The following ATP6V0A4 variants were observed in gnomAD, a reference collection of about 807,000 sequenced individuals.
The protein encoded by ATP6V0A4 is V-type proton ATPase 116 kDa subunit a 4.
In ATP6V0A4, 86 loss-of-function variants were observed where a neutral mutation model predicts 107.3. The observed-to-expected ratio is 0.80, with a 90% CI of 0.67 to 0.96. The LOEUF is 0.96. Ranked by LOEUF, ATP6V0A4 falls within the 40% of genes least tolerant of loss-of-function variation. The pLI, the probability that ATP6V0A4 is intolerant of heterozygous loss-of-function variation, is 0.00. For missense variants in ATP6V0A4, 908 were observed against 1,045.6 expected (o/e 0.87, Z 1.81); for synonymous variants, 353 against 381.4 (o/e 0.93, Z 0.87).
intron 2 of ATP6V0A4, among the ~76,000 whole-genome samples, chr7:138,784,231 T>C (rs866135105): frequency 2.0e-4 from 9 of 45,326 alleles, no homozygotes; most frequent in African/African-American, 1.1e-3. Context: ...TATATATATA[T>C]ATACGTATAT....
intron 18 of ATP6V0A4, among the ~76,000 whole-genome samples, chr7:138,726,269 G>A (rs1279185539): frequency 5.9e-5 from 9 of 152,284 alleles, no homozygotes; most frequent in South Asian, 4.2e-4. Context: ...GATTACAGGC[G>A]TGAGCCACCG....
At chr7:138,758,601 G>A (rs1806624488) in intron 8 of ATP6V0A4, among the ~76,000 whole-genome samples, 1 of 152,192 alleles carries the variant, frequency 6.6e-6, no homozygotes, top group Non-Finnish European at 1.5e-5. Flanking sequence ...AGCAACAACT[G>A]TATGGCACTA....
At position 138,732,971 on chromosome 7, in the gene ATP6V0A4, A is replaced by T; in HGVS notation, c.1814T>A (p.Val605Glu). The part of the protein sequence containing the change: ...IFKWCCFDVH[V>E]SQHAPSILIH... ...GAGGATGCTGGGGGCGTGCTGAGAT[A>T]CATGGACGTCAAAGCAGCACCATTT... is the stretch of plus-strand genomic sequence containing the variant. Residue 605 changes from valine to glutamate, a missense_variant, in exon 17 of 22, where the codon GTA (valine) becomes GAA (glutamate). Physicochemically the swap from Val to Glu is moderately radical, Grantham distance 121. Transcript: ENST00000310018. 6.2e-7 allele frequency: 1 copy of T among 1,613,760 alleles called. No homozygotes were observed. Among genetic ancestry groups the T allele is most frequent in the Non-Finnish European group, 8.5e-7 (1 of 1,179,692 alleles).
intron 12 of ATP6V0A4, among the ~76,000 whole-genome samples, chr7:138,748,888 G>A (rs148975670): frequency 4.8e-4 from 73 of 152,306 alleles, no homozygotes; most frequent in Admixed American, 1.3e-3. Flanking sequence ...GCTGCCTGAT[G>A]AGGTTGCAGT....
At chr7:138,745,956 A>ATATATATATAT in intron 13 of ATP6V0A4, among the ~76,000 whole-genome samples, 1 of 34,698 alleles carries the variant, frequency 2.9e-5, no homozygotes, top group African/African-American at 8.8e-5. Flanking sequence ...AAAAAAAAAA[A>ATATATATATAT]AAAAAAATAT....
intron 8 of ATP6V0A4, 165 bp from the exon 9 acceptor site, chr7:138,756,705 G>C (rs1405619128): frequency 2.0e-6 from 1 of 504,798 alleles, no homozygotes; most frequent in Non-Finnish European, 2.6e-6. Flanking sequence ...TCACAGTTGA[G>C]AGCAAGGCCA....
At chr7:138,719,930 C>T (rs779753483) in intron 19 of ATP6V0A4, among the ~76,000 whole-genome samples, 11 of 151,184 alleles carry the variant, frequency 7.3e-5, no homozygotes, top group South Asian at 6.4e-4. Context: ...GAGGCTGAGG[C>T]GGGAGAATTG....
rs140482322 is a variant in ATP6V0A4, at chr7:138,770,357, T to C, written c.117+774A>G. ...TTGGCTATCCAAATGAGCCTCAAAA[T>C]CCTCAATGGGGTCATAAAAATGACC... On this transcript the variant is annotated intron_variant, in intron 3 of 21. Coordinates refer to ENST00000310018, the MANE Select transcript of ATP6V0A4 (RefSeq NM_020632.3). 2.5e-3 allele frequency among the ~76,000 whole-genome samples: 378 copies of C among 152,180 alleles called. 2 individuals carry two copies. Among genetic ancestry groups the C allele is most frequent in the Middle Eastern group, 0.01 (3 of 294 alleles).
intron 1 of ATP6V0A4, among the ~76,000 whole-genome samples, chr7:138,796,150 G>A (rs552516332): frequency 1.5e-4 from 23 of 152,186 alleles, no homozygotes; most frequent in Admixed American, 6.5e-4. Context: ...ACTAAGCAGC[G>A]TCCTCTCTGT....
chr7:138,781,986 T>C (rs944825511), intron 2 of ATP6V0A4, among the ~76,000 whole-genome samples: 1 of 152,028 alleles, frequency 6.6e-6, no homozygotes, highest in Non-Finnish European at 1.5e-5. Flanking sequence ...ACCCCAATAA[T>C]TCTTAACAGT....
At chr7:138,728,683 CT>C in intron 18 of ATP6V0A4, 77 bp downstream of exon 18, 1 of 1,597,364 alleles carries the variant, frequency 6.3e-7, no homozygotes, top group African/African-American at 1.3e-5. Flanking sequence ...GGACGATTCT[CT>C]CTAAACCCAA....
At chr7:138,733,291 A>C in intron 16 of ATP6V0A4, 198 bp from the exon 17 acceptor site, 1 of 451,344 alleles carries the variant, frequency 2.2e-6, no homozygotes, top group Non-Finnish European at 2.9e-6. Context: ...GAAAGGAAAT[A>C]CTGGAAAGTG....
chr7:138,761,340 A>C (rs1806805539), intron 7 of ATP6V0A4, among the ~76,000 whole-genome samples: 1 of 148,316 alleles, frequency 6.7e-6, no homozygotes, highest in South Asian at 2.1e-4. Flanking sequence ...TCAAAAAAAA[A>C]CACACAAATT....
At position 138,737,115 on chromosome 7, in the gene ATP6V0A4, A is replaced by AATATATATATATATATATATATATATAT. The variant is rs1554394380; in HGVS notation, c.1572+2424_1572+2425insATATATATATATATATATATATATATAT. 1.2e-4 allele frequency among the ~76,000 whole-genome samples: 10 copies of AATATATATATATATATATATATATATAT among 86,760 alleles called. 1 individual carries two copies. Among genetic ancestry groups the AATATATATATATATATATATATATATAT allele is most frequent in the South Asian group, 8.4e-4 (2 of 2,372 alleles). The allele number at this position is 86,760 out of a possible 152,430, so 56.9% of individuals were successfully genotyped here. A position where few individuals can be genotyped will look rare whatever the true frequency, so the allele number is the denominator to read the frequency against. ...GTTATGTAAAAAGTAAGCCCTTATT[A>AATATATATATATATATATATATATATAT]ATATATATATATGATACAAACTAAC... On this transcript the variant is annotated intron_variant, in intron 15 of 21. Coordinates refer to ENST00000310018, the MANE Select transcript of ATP6V0A4 (RefSeq NM_020632.3).
At chr7:138,775,018 G>A (rs1024892564) in intron 2 of ATP6V0A4, among the ~76,000 whole-genome samples, 53 of 152,178 alleles carry the variant, frequency 3.5e-4, no homozygotes, top group African/African-American at 1.2e-3. Context: ...CCAGGGGTGC[G>A]GGGCTGCAAC....
chr7:138,738,320 C>T (rs560019947), intron 15 of ATP6V0A4, among the ~76,000 whole-genome samples: 2 of 152,228 alleles, frequency 1.3e-5, no homozygotes, highest in African/African-American at 4.8e-5. Flanking sequence ...AATACCGTAG[C>T]TCCACTCTGT....
intron 2 of ATP6V0A4, among the ~76,000 whole-genome samples, chr7:138,780,719 CAT>C (rs1807879401): frequency 6.6e-6 from 1 of 152,002 alleles, no homozygotes; most frequent in African/African-American, 2.4e-5. Flanking sequence ...ACCTGGGCAA[CAT>C]AGTGAGGCCT....
intron 1 of ATP6V0A4, among the ~76,000 whole-genome samples, chr7:138,797,651 G>A (rs192224472): frequency 3.4e-4 from 52 of 152,032 alleles, no homozygotes; most frequent in Admixed American, 3.1e-3. Flanking sequence ...TGTAATTAAC[G>A]CACTTCGACA....
At chr7:138,744,599 T>C (rs181641226) in intron 14 of ATP6V0A4, among the ~76,000 whole-genome samples, 16 of 152,340 alleles carry the variant, frequency 1.1e-4, no homozygotes, top group Admixed American at 9.8e-4. Flanking sequence ...AATGGTGTGA[T>C]TGTAGCTCAT....
Sources: gnomAD v4.1 joint callset for allele counts (sites outside exome capture counted in the v4.1 genomes callset) on GRCh38, gnomAD v4.1.1 for gene constraint, MANE v1.5 for transcripts, NCBI Gene and HGNC (gene_info 2026-07-23, HGNC 2026-07-21) for gene names.